SAMD3: variants seen among roughly 807,000 people sequenced by gnomAD.
The protein encoded by SAMD3 is sterile alpha motif domain-containing protein 3.
In SAMD3, 63 loss-of-function variants were observed where a neutral mutation model predicts 58.5. The observed-to-expected ratio is 1.08, with a 90% CI of 0.88 to 1.33. The LOEUF (loss-of-function observed/expected upper bound fraction) is 1.33. Among genes scored for constraint, SAMD3 ranks in the 40% most tolerant of loss-of-function variants. SAMD3 has a pLI of 0.00. For missense variants in SAMD3, 604 were observed against 608.4 expected, an observed-to-expected ratio of 0.99 and a Z score of 0.08; for synonymous variants, 220 against 210.3, an observed-to-expected ratio of 1.05 and a Z score of -0.40.
rs150388942 is a variant in SAMD3, at chr6:130,341,773, C to T, written c.-304+23347G>A. Among the ~76,000 whole-genome samples the T allele has an allele frequency of 7.1e-3, 1,080 of 152,152 alleles. 11 individuals are homozygous for T. The highest frequency in any genetic ancestry group is 0.017 in the Middle Eastern group (5 of 294). On this transcript the variant is annotated intron_variant, in intron 1 of 13. Transcript: ENST00000368134. The stretch of plus-strand genomic sequence containing the variant: ...CACATGGAAACATGATCTTTTGAGG[C>T]CTTTTAGGAAATAAATGGCTAAAGG...
Position 130,261,836 on chromosome 6 carries a change from A to G in SAMD3, c.-187-39023T>C, listed in dbSNP as rs1051658831. On this transcript the variant is annotated intron_variant, in intron 2 of 13. Coordinates refer to the SAMD3 transcript ENST00000368134. ...AAGGTATGGCACAAGGTAACCTGTA[A>G]ATCCCGGGCATCCAGACCAGTTCCC... is the stretch of plus-strand genomic sequence containing the variant. Among the ~76,000 whole-genome samples the G allele has an allele frequency of 4.6e-5, 7 of 152,222 alleles. No individual in the cohort carries two copies. In the East Asian group the frequency reaches 1.4e-3, roughly 29 times the overall value.
chr6:130,344,815 A>G (rs1311613262), intron 1 of SAMD3, among the ~76,000 whole-genome samples: 1 of 145,648 alleles, frequency 6.9e-6, no homozygotes, highest in South Asian at 2.3e-4. Flanking sequence ...AGCAGAAAGA[A>G]CAACAACAGC....
At chr6:130,323,760 G>A (rs1776661006) in intron 1 of SAMD3, among the ~76,000 whole-genome samples, 2 of 124,414 alleles carry the variant, frequency 1.6e-5, no homozygotes, top group Non-Finnish European at 3.1e-5. Flanking sequence ...CTGAGATCGT[G>A]ACACTATACT....
chr6:130,181,250 A>C (rs539187011), intron 7 of SAMD3, among the ~76,000 whole-genome samples: 8 of 152,206 alleles, frequency 5.3e-5, no homozygotes, highest in African/African-American at 1.9e-4. Flanking sequence ...CCCGGCCCCA[A>C]ATTTTTCAAA....
chr6:130,307,829 T>G (rs1379920689), intron 2 of SAMD3, among the ~76,000 whole-genome samples: 2 of 152,196 alleles, frequency 1.3e-5, no homozygotes, highest in Admixed American at 6.6e-5. Flanking sequence ...CTGAGAGGGT[T>G]TAGCATCTAT....
chr6:130,312,559 G>A (rs919179738), intron 2 of SAMD3, among the ~76,000 whole-genome samples: 8 of 152,134 alleles, frequency 5.3e-5, no homozygotes, highest in African/African-American at 1.7e-4. Context: ...ATTCAGTCTG[G>A]AACTCAGCAT....
intron 5 of SAMD3, among the ~76,000 whole-genome samples, chr6:130,200,923 A>G (rs1794599186): frequency 6.6e-6 from 1 of 152,090 alleles, no homozygotes; most frequent in Non-Finnish European, 1.5e-5. Context: ...GCTGTTGGTC[A>G]TATTCTTCAC....
chr6:130,311,527 T>G lies in SAMD3; in HGVS notation c.-188+1451A>C, dbSNP rs576782119. 9.9e-5 allele frequency among the ~76,000 whole-genome samples: 15 copies of G among 152,214 alleles called. No homozygotes were observed. In the South Asian group the frequency reaches 3.1e-3, roughly 32 times the overall value. On this transcript the variant is annotated intron_variant, in intron 2 of 13. Coordinates refer to the SAMD3 transcript ENST00000368134. ...ACATTTTTAAAAAACTGACTGAGAC[T>G]AAGAGTAAAGGGAATACCTGAAGTG...
intron 1 of SAMD3, among the ~76,000 whole-genome samples, chr6:130,348,563 T>C (rs6913029): frequency 0.46 from 67,681 of 147,268 alleles, 18,137 homozygotes; most frequent in African/African-American, 0.81. Flanking sequence ...TACAAGAGCA[T>C]CCAGATTCAT....
intron 2 of SAMD3, among the ~76,000 whole-genome samples, chr6:130,229,466 T>A (rs1796479161): frequency 6.6e-6 from 1 of 152,192 alleles, no homozygotes. Flanking sequence ...TTAGTATTCA[T>A]GGGAATATAA....
rs5880008 is a variant in SAMD3 at position 130,202,905 on chromosome 6, G to GC, written c.383+6589dup. Reference sequence around the variant, plus strand: ...ATTCAACACCTGTGTGGTCTTTGATGCCCCCCCTCCTCCCCCGCAGTGGTG... The same window carrying GC: ...ATTCAACACCTGTGTGGTCTTTGATGCCCCCCCCTCCTCCCCCGCAGTGGTG... On this transcript the variant is annotated intron_variant, in intron 5 of 11. Transcript: ENST00000439090. 9.3e-4 allele frequency among the ~76,000 whole-genome samples: 141 copies of GC among 151,872 alleles called. 1 individual carries two copies. Among genetic ancestry groups the GC allele is most frequent in the Admixed American group, 2.0e-3 (30 of 15,256 alleles).
chr6:130,264,839 T>C (rs902560845), intron 2 of SAMD3, among the ~76,000 whole-genome samples: 1 of 151,848 alleles, frequency 6.6e-6, no homozygotes, highest in African/African-American at 2.4e-5. Context: ...CAAAACCCTT[T>C]ATACCCTATG....
intron 7 of SAMD3, among the ~76,000 whole-genome samples, chr6:130,179,527 T>A (rs547734186): frequency 3.3e-4 from 49 of 148,788 alleles, no homozygotes; most frequent in Admixed American, 2.6e-3. Flanking sequence ...TGGACCGTCT[T>A]ACATGGCAAC....
Position 130,261,308 on chromosome 6 carries a change from C to T in SAMD3, c.-187-38495G>A, listed in dbSNP as rs1367130398. ...AGTGGAAGCGTGGCCTGATCACCCA[C>T]GGCGTGCCTTTATCGGCACTTTGGT... On this transcript the variant is annotated intron_variant, in intron 2 of 13. Coordinates refer to the SAMD3 transcript ENST00000368134. 2.5e-5 allele frequency among the ~76,000 whole-genome samples: 3 copies of T among 122,318 alleles called. 1 individual carries two copies. Among genetic ancestry groups the T allele is most frequent in the Non-Finnish European group, 4.8e-5 (3 of 62,192 alleles). The allele number at this position is 122,318 out of a possible 152,430, so 80.2% of individuals were successfully genotyped here. A position where few individuals can be genotyped will look rare whatever the true frequency, so the allele number is the denominator to read the frequency against.
At chr6:130,304,816 T>A (rs578060318) in intron 2 of SAMD3, among the ~76,000 whole-genome samples, 134 of 152,248 alleles carry the variant, frequency 8.8e-4, no homozygotes, top group Non-Finnish European at 7.9e-4. Flanking sequence ...CTTATTTAGG[T>A]ATTTTAAGAT....
intron 8 of SAMD3, among the ~76,000 whole-genome samples, chr6:130,175,462 G>A (rs1791634403): frequency 6.6e-6 from 1 of 152,078 alleles, no homozygotes; most frequent in Non-Finnish European, 1.5e-5. Context: ...GGAGACCAGA[G>A]GCTACCTAAC....
chr6:130,208,088 G>A (rs535924485), intron 5 of SAMD3, among the ~76,000 whole-genome samples: 58 of 152,318 alleles, frequency 3.8e-4, no homozygotes, highest in African/African-American at 1.1e-3. Context: ...TCTAAATCTC[G>A]GTTGTACTCA....
chr6:130,289,947 C>T (rs951766580), intron 2 of SAMD3, among the ~76,000 whole-genome samples: 5 of 149,494 alleles, frequency 3.3e-5, no homozygotes, highest in Non-Finnish European at 7.4e-5. Context: ...TGTTTTAGTT[C>T]AGACTTTATC....
intron 2 of SAMD3, among the ~76,000 whole-genome samples, chr6:130,228,221 AGTG>A (rs1437565645): frequency 6.6e-6 from 1 of 152,242 alleles, no homozygotes; most frequent in African/African-American, 2.4e-5. Flanking sequence ...ATCTCAGCAC[AGTG>A]GTGACCTCCA....
Sources: gnomAD v4.1 joint callset for allele counts (sites outside exome capture counted in the v4.1 genomes callset) on GRCh38, gnomAD v4.1.1 for gene constraint, MANE v1.5 for transcripts, NCBI Gene and HGNC (gene_info 2026-07-23, HGNC 2026-07-21) for gene names.